GAS2: variants seen among roughly 807,000 people sequenced by gnomAD.
GAS2 encodes growth arrest specific 2.
Under a neutral mutation model 37.5 loss-of-function variants are expected in GAS2, and 20 were observed. The observed-to-expected ratio is 0.53, with a 90% CI of 0.37 to 0.77. The LOEUF (loss-of-function observed/expected upper bound fraction) is 0.77, where lower values mean the gene tolerates loss of function less well. Among genes scored for constraint, GAS2 ranks in the 30% least tolerant of loss-of-function variants. The probability of loss-of-function intolerance (pLI) is 0.00; values close to 1 mark genes in which losing one functional copy is unlikely to be tolerated. For synonymous variants in GAS2, 144 were observed against 132.2 expected, an observed-to-expected ratio of 1.09 and a Z score of -0.61; for missense variants, 336 against 373.4, an observed-to-expected ratio of 0.90 and a Z score of 0.82.
At chr11:22,772,309 G>A (rs1855019269) in intron 7 of GAS2, among the ~76,000 whole-genome samples, 1 of 152,102 alleles carries the variant, frequency 6.6e-6, no homozygotes, top group Non-Finnish European at 1.5e-5. Context: ...GGTGTCACTT[G>A]GTTCAAGAGG....
intron 7 of GAS2, among the ~76,000 whole-genome samples, chr11:22,784,685 A>G (rs1431432854): frequency 6.6e-6 from 1 of 152,156 alleles, no homozygotes; most frequent in Non-Finnish European, 1.5e-5. Context: ...CAAGATGACT[A>G]TGTCGTTCCT....
At chr11:22,738,428 T>C (rs1852870006) in intron 5 of GAS2, among the ~76,000 whole-genome samples, 1 of 152,330 alleles carries the variant, frequency 6.6e-6, no homozygotes, top group Admixed American at 6.5e-5. Flanking sequence ...TGTTTTCCCA[T>C]TTATTATCTT....
At chr11:22,724,585 C>G (rs1413805595) in intron 3 of GAS2, among the ~76,000 whole-genome samples, 5 of 151,962 alleles carry the variant, frequency 3.3e-5, no homozygotes, top group Admixed American at 6.6e-5. Flanking sequence ...TCTAGGAAAG[C>G]ATTCTTTTGA....
chr11:22,745,532 T>C (rs1438576670), intron 5 of GAS2, among the ~76,000 whole-genome samples: 2 of 151,766 alleles, frequency 1.3e-5, no homozygotes, highest in African/African-American at 2.4e-5. Flanking sequence ...TAGGAAATAC[T>C]AGGATTCCTA....
At position 22,714,172 on chromosome 11, in the gene GAS2, G is replaced by A. The variant is rs147342089; in HGVS notation, c.268-12120G>A. Among the ~76,000 whole-genome samples, 160 of 151,964 alleles carry A rather than the reference G, an allele frequency of 1.1e-3. 1 individual carries two copies. Among genetic ancestry groups the A allele is most frequent in the African/African-American group, 3.6e-3 (150 of 41,514 alleles). On this transcript the variant is annotated intron_variant, in intron 3 of 7. Transcript: ENST00000454584. ...ACTCACCTAAACTTAAGGTAAAAGA[G>A]TAGAAAAAGATATTCCATGCAAATG...
intron 3 of GAS2, among the ~76,000 whole-genome samples, chr11:22,713,694 G>T (rs966879987): frequency 5.9e-5 from 9 of 152,128 alleles, no homozygotes; most frequent in African/African-American, 1.9e-4. Flanking sequence ...GAAGGGATTG[G>T]GGTCCTATCT....
intron 3 of GAS2, among the ~76,000 whole-genome samples, chr11:22,718,318 G>A (rs536634999): frequency 6.6e-6 from 1 of 151,940 alleles, no homozygotes; most frequent in Non-Finnish European, 1.5e-5. Context: ...ATGTATCATG[G>A]AATACTACTC....
chr11:22,766,242 CT>C (rs34345069), intron 7 of GAS2, among the ~76,000 whole-genome samples: 89 of 146,266 alleles, frequency 6.1e-4, no homozygotes, highest in Middle Eastern at 7.4e-3. Context: ...TCCTCGGATT[CT>C]TTTTTTTTTT....
intron 5 of GAS2, among the ~76,000 whole-genome samples, chr11:22,741,021 G>A (rs1178939229): frequency 6.6e-6 from 1 of 152,094 alleles, no homozygotes; most frequent in Non-Finnish European, 1.5e-5. Context: ...CACTTTTCCA[G>A]ATTACATAAA....
intron 1 of GAS2, among the ~76,000 whole-genome samples, chr11:22,670,997 A>C (rs1849176334): frequency 6.6e-6 from 1 of 152,154 alleles, no homozygotes; most frequent in Non-Finnish European, 1.5e-5. Context: ...GGTCATAGTC[A>C]AAGAACACCT....
intron 1 of GAS2, among the ~76,000 whole-genome samples, chr11:22,635,144 G>T (rs1269719504): frequency 2.0e-5 from 3 of 152,154 alleles, no homozygotes; most frequent in Admixed American, 2.0e-4. Context: ...TGGTGTCTCA[G>T]GCAATGGGCA....
chr11:22,791,648 T>C (rs1185759451), intron 7 of GAS2, among the ~76,000 whole-genome samples: 1 of 152,176 alleles, frequency 6.6e-6, no homozygotes, highest in Non-Finnish European at 1.5e-5. Context: ...AAAAGAGATA[T>C]GGGTGAACTT....
rs1849820790 is a variant in GAS2, at chr11:22,683,976, G to GA, written c.146-1688dup. 2.6e-5 allele frequency among the ~76,000 whole-genome samples: 4 copies of GA among 152,176 alleles called. No individual in the cohort carries two copies. In the South Asian group the frequency reaches 8.3e-4, roughly 32 times the overall value. On this transcript the variant is annotated intron_variant, in intron 2 of 7. Transcript: ENST00000454584. The stretch of plus-strand genomic sequence containing the variant: ...GTGATATTCATGAGTATGACATACG[G>GA]AAAACAGATCAATGTGTACTGGATG...
At chr11:22,679,664 C>A (rs1239950953) in intron 2 of GAS2, among the ~76,000 whole-genome samples, 2 of 151,854 alleles carry the variant, frequency 1.3e-5, no homozygotes, top group African/African-American at 4.8e-5. Context: ...GATGGCTTAC[C>A]TTTATTTTCA....
At chr11:22,733,948 T>G (rs1023813839) in intron 4 of GAS2, among the ~76,000 whole-genome samples, 8 of 151,704 alleles carry the variant, frequency 5.3e-5, no homozygotes, top group Non-Finnish European at 7.4e-5. Context: ...GTTACAATGA[T>G]CAAGTGGGGA....
At chr11:22,685,207 G>A (rs1003607245) in intron 2 of GAS2, among the ~76,000 whole-genome samples, 3 of 152,128 alleles carry the variant, frequency 2.0e-5, no homozygotes, top group Non-Finnish European at 2.9e-5. Context: ...CTTGTAGTCA[G>A]ACATACACCT....
intron 2 of GAS2, among the ~76,000 whole-genome samples, chr11:22,681,671 T>C (rs1849689356): frequency 6.6e-6 from 1 of 152,198 alleles, no homozygotes; most frequent in African/African-American, 2.4e-5. Flanking sequence ...ACATGTAGTC[T>C]GATGTGTTAA....
chr11:22,646,546 C>A (rs1229598764), intron 1 of GAS2, among the ~76,000 whole-genome samples: 1 of 152,136 alleles, frequency 6.6e-6, no homozygotes, highest in Non-Finnish European at 1.5e-5. Flanking sequence ...CTGTGATACC[C>A]AGATGACAGG....
At chr11:22,801,932 C>T (rs1180784769) in intron 7 of GAS2, among the ~76,000 whole-genome samples, 1 of 151,814 alleles carries the variant, frequency 6.6e-6, no homozygotes, top group African/African-American at 2.4e-5. Context: ...AATTAAGCAT[C>T]ACAGTAAGAC....
Sources: allele counts gnomAD v4.1 joint callset (sites outside exome capture counted in the v4.1 genomes callset), GRCh38; gene constraint gnomAD v4.1.1; transcripts MANE v1.5; gene names NCBI Gene and HGNC (gene_info 2026-07-23, HGNC 2026-07-21).